Variants in TDO2 observed in about 807,000 individuals in gnomAD.
TDO2 encodes tryptamin 2,3-dioxygenase.
Under a neutral mutation model 61.2 loss-of-function variants are expected in TDO2, and 63 were observed. The observed-to-expected ratio is 1.03, with a 90% confidence interval of 0.84 to 1.27. TDO2 has a LOEUF of 1.27. TDO2 is among the 50% of genes most tolerant of loss of function. The pLI is 0.00. For missense variants in TDO2, 494 were observed against 469.5 expected (o/e 1.05, Z -0.48); for synonymous variants, 183 against 164.0 (o/e 1.12, Z -0.89).
At position 155,917,421 on chromosome 4, in the gene TDO2, T is replaced by C; in HGVS notation, c.923T>C (p.Phe308Ser). 6.2e-7 allele frequency: 1 copy of C among 1,611,396 alleles called. No homozygotes were observed. ...YREEPRFQVP[F>S]QLLTSLMDID... The stretch of plus-strand genomic sequence containing the variant: ...GAAGAGCCTAGGTTCCAGGTGCCTT[T>C]TCAGTTGCTGACTTCTCTTATGGAC... The change falls in exon 10 of 12, where the codon TTT (phenylalanine) becomes TCT (serine). Residue 308 changes from phenylalanine (F) to serine (S), a missense_variant. Transcript: ENST00000536354.
rs183821149 is a variant in TDO2, at chr4:155,907,769, C to T, written c.280C>T (p.Arg94Ter). ...KQILWELDSV[R>*]EIFQNGHVRD... ...AATCCTCTGGGAGTTGGATTCTGTT[C>T]GAGAGATCTTTCAGAATGGCCATGT... Residue 94 changes from arginine to a stop codon, truncating the protein, a stop_gained, in exon 4 of 12, where the codon CGA becomes TGA. Transcript: ENST00000536354. LOFTEE classifies it high-confidence loss of function. The T allele has an allele frequency of 5.8e-5, 93 of 1,613,080 alleles. 1 individual carries two copies. Among genetic ancestry groups the T allele is most frequent in the Admixed American group, 2.3e-4 (14 of 59,932 alleles).
At chr4:155,912,773 A>T (rs1742857782) in intron 7 of TDO2, among the ~76,000 whole-genome samples, 1 of 152,096 alleles carries the variant, frequency 6.6e-6, no homozygotes, top group Non-Finnish European at 1.5e-5. Flanking sequence ...ATCCCCTTAG[A>T]TTTCAGAACA....
Position 155,920,003 on chromosome 4 carries a change from A to C in TDO2, c.*13A>C, listed in dbSNP as rs1196392091. On this transcript the variant is annotated 3_prime_UTR_variant, in exon 12 of 12. Transcript: ENST00000536354. ...TGAATCAGATTAAAATCGTCTGCAA[A>C]ATCTATGAAGAATACTGGTTTCACA... The C allele has an allele frequency of 6.2e-7, 1 of 1,610,404 alleles. No homozygotes were observed. Among genetic ancestry groups the C allele is most frequent in the East Asian group, 2.2e-5 (1 of 44,754 alleles).
chr4:155,904,423 A>T (rs1742681283), intron 2 of TDO2, among the ~76,000 whole-genome samples: 1 of 152,256 alleles, frequency 6.6e-6, no homozygotes, highest in Admixed American at 6.5e-5. Flanking sequence ...CAACTTGTAT[A>T]GATAAGACAT....
chr4:155,913,118 T>C (rs1286855914), intron 7 of TDO2, among the ~76,000 whole-genome samples: 1 of 152,162 alleles, frequency 6.6e-6, no homozygotes, highest in African/African-American at 2.4e-5. Flanking sequence ...ATATCTGAAC[T>C]GTGCTCCCCC....
chr4:155,905,179 G>A, intron 3 of TDO2, 22 bp downstream of exon 3: 1 of 1,516,580 alleles, frequency 6.6e-7, no homozygotes, highest in South Asian at 1.3e-5. Flanking sequence ...AAAGGTTTTG[G>A]ACAATATTCC....
intron 11 of TDO2, among the ~76,000 whole-genome samples, chr4:155,919,377 A>G (rs1194018606): frequency 1.3e-5 from 2 of 152,292 alleles, no homozygotes; most frequent in South Asian, 2.1e-4. Flanking sequence ...TACTTCATGG[A>G]CATTTATTAT....
chr4:155,908,467 T>C (rs1004394919), intron 4 of TDO2, among the ~76,000 whole-genome samples: 3 of 152,150 alleles, frequency 2.0e-5, no homozygotes, highest in Non-Finnish European at 4.4e-5. Flanking sequence ...CCTTCCTGCC[T>C]GCATGAATCC....
At chr4:155,914,488 A>C (rs1420962816) in intron 8 of TDO2, 54 bp downstream of exon 8, 2 of 1,233,514 alleles carry the variant, frequency 1.6e-6, no homozygotes, top group Non-Finnish European at 2.2e-6. Context: ...ATATGAGATC[A>C]AGACATCATT....
chr4:155,905,949 T>G (rs1176589554), intron 3 of TDO2: 7 of 152,206 alleles, frequency 4.6e-5, no homozygotes, highest in Non-Finnish European at 1.0e-4. Flanking sequence ...GCTTAATGTG[T>G]CAGTTCTCCT....
chr4:155,905,565 A>C (rs1266428263), intron 3 of TDO2: 1 of 156,968 alleles, frequency 6.4e-6, no homozygotes, highest in Non-Finnish European at 1.4e-5. Flanking sequence ...AATTGTGTCC[A>C]AAAATGTATG....
chr4:155,904,265 C>A, intron 2 of TDO2, 142 bp downstream of exon 2: 1 of 635,112 alleles, frequency 1.6e-6, no homozygotes, highest in Non-Finnish European at 2.8e-6. Context: ...TATTCATAAA[C>A]ACTTTTACGT....
At chr4:155,914,507 C>A in intron 8 of TDO2, 73 bp downstream of exon 8, 1 of 995,770 alleles carries the variant, frequency 1.0e-6, no homozygotes, top group Non-Finnish European at 1.4e-6. Context: ...TTTTATAAGA[C>A]TATCAAGCCT....
intron 4 of TDO2, 31 bp from the exon 5 acceptor site, chr4:155,908,856 C>T: frequency 6.3e-7 from 1 of 1,594,896 alleles, no homozygotes; most frequent in Non-Finnish European, 8.5e-7. Context: ...GTCAGCATTG[C>T]TAACTCAGTG....
rs754331032 is a variant in TDO2 at position 155,910,128 on chromosome 4, CATT to C, written c.538_540del (p.Tyr180del). The C allele has an allele frequency of 6.3e-7, 1 of 1,599,294 alleles. No homozygotes were observed. The highest frequency in any genetic ancestry group is 1.1e-5 in the South Asian group (1 of 89,094). On this transcript the variant is annotated inframe_deletion, in exon 6 of 12. Transcript: ENST00000536354. Reference sequence around the variant, plus strand: ...CATGAGAGTCCCTTATAACAGAAGACATTATCGTGATAACTTCAAAGGAGAAGA... The same window carrying C: ...CATGAGAGTCCCTTATAACAGAAGACATCGTGATAACTTCAAAGGAGAAGA...
At chr4:155,904,201 A>G in intron 2 of TDO2, 78 bp downstream of exon 2, 2 of 1,032,370 alleles carry the variant, frequency 1.9e-6, no homozygotes, top group Non-Finnish European at 2.9e-6. Context: ...TTATGATTTT[A>G]TTTCTTGGAA....
intron 3 of TDO2, chr4:155,907,492 T>C: frequency 2.2e-6 from 1 of 463,356 alleles, no homozygotes; most frequent in African/African-American, 2.0e-5. Context: ...TAATAATGAA[T>C]ATGAAGCATT....
chr4:155,912,495 C>CTACT (rs1003800625), intron 7 of TDO2, among the ~76,000 whole-genome samples: 5 of 152,108 alleles, frequency 3.3e-5, no homozygotes, highest in African/African-American at 1.2e-4. Context: ...CTAATGACTA[C>CTACT]TACTTATTCT....
At chr4:155,914,254 G>A in intron 7 of TDO2, 69 bp from the exon 8 acceptor site, 1 of 1,191,120 alleles carries the variant, frequency 8.4e-7, no homozygotes, top group Non-Finnish European at 1.2e-6. Flanking sequence ...TTCCTCATAA[G>A]CAAAGTTTTC....
Sources: allele counts gnomAD v4.1 joint callset (sites outside exome capture counted in the v4.1 genomes callset), GRCh38; gene constraint gnomAD v4.1.1; transcripts MANE v1.5; gene names NCBI Gene and HGNC (gene_info 2026-07-23, HGNC 2026-07-21).